The following ATG7 variants were observed in gnomAD, a reference collection of about 807,000 sequenced individuals.
ATG7 encodes the protein ubiquitin-like modifier-activating enzyme ATG7.
ATG7 carries 70 observed loss-of-function variants against 82.4 expected under a neutral mutation model. That is an observed-to-expected ratio of 0.85 (90% confidence interval 0.70 to 1.04). The LOEUF is 1.04. Among genes scored for constraint, ATG7 ranks in the 50% least tolerant of loss-of-function variants. The probability of loss-of-function intolerance (pLI) is 0.00; values close to 1 mark genes in which losing one functional copy is unlikely to be tolerated. For missense variants in ATG7, 792 were observed against 864.3 expected, an observed-to-expected ratio of 0.92 and a Z score of 1.05; for synonymous variants, 287 against 313.0, an observed-to-expected ratio of 0.92 and a Z score of 0.88.
chr3:11,374,676 C>CGG (rs2077261545), intron 18 of ATG7, among the ~76,000 whole-genome samples: 1 of 152,048 alleles, frequency 6.6e-6, no homozygotes, highest in African/African-American at 2.4e-5. Context: ...GAGTCCGAGG[C>CGG]GGGCAGATCG....
chr3:11,539,180 T>C (rs1274106811), intron 20 of ATG7, among the ~76,000 whole-genome samples: 1 of 152,120 alleles, frequency 6.6e-6, no homozygotes, highest in Non-Finnish European at 1.5e-5. Flanking sequence ...CTGCATCAGG[T>C]GCAGTTCTGA....
chr3:11,328,553 C>T (rs1559403894), intron 9 of ATG7, among the ~76,000 whole-genome samples: 2 of 151,910 alleles, frequency 1.3e-5, no homozygotes, highest in South Asian at 2.1e-4. Context: ...TTTTATATAA[C>T]GGAAAAGGTA....
intron 3 of ATG7, among the ~76,000 whole-genome samples, chr3:11,283,918 C>T (rs1476121636): frequency 6.6e-6 from 1 of 152,076 alleles, no homozygotes; most frequent in African/African-American, 2.4e-5. Context: ...GACGACAGAA[C>T]GAGACTCTGT....
At chr3:11,533,765 C>T (rs1433315237) in intron 20 of ATG7, among the ~76,000 whole-genome samples, 1 of 151,954 alleles carries the variant, frequency 6.6e-6, no homozygotes, top group Admixed American at 6.6e-5. Context: ...GAACTTAGCA[C>T]CTCATATTTA....
intron 20 of ATG7, among the ~76,000 whole-genome samples, chr3:11,458,748 C>G (rs1003180330): frequency 6.6e-6 from 1 of 152,158 alleles, no homozygotes; most frequent in Non-Finnish European, 1.5e-5. Flanking sequence ...CAAGATAATT[C>G]TCTGTCTTTG....
intron 20 of ATG7, among the ~76,000 whole-genome samples, chr3:11,471,365 A>C (rs943173102): frequency 6.6e-6 from 1 of 152,090 alleles, no homozygotes; most frequent in African/African-American, 2.4e-5. Context: ...TCTGCCCCAC[A>C]CCTGTCACCT....
chr3:11,376,518 G>A (rs2077426814), intron 18 of ATG7, among the ~76,000 whole-genome samples: 1 of 152,134 alleles, frequency 6.6e-6, no homozygotes, highest in Admixed American at 6.5e-5. Context: ...ACTTAGATAT[G>A]TAGCTGTCAC....
At chr3:11,300,249 C>T (rs1346906739) in intron 5 of ATG7, among the ~76,000 whole-genome samples, 1 of 152,058 alleles carries the variant, frequency 6.6e-6, no homozygotes, top group Non-Finnish European at 1.5e-5. Flanking sequence ...ATTTATTGAG[C>T]ACTTAATTAG....
chr3:11,495,880 A>G (rs2090788876), intron 20 of ATG7, among the ~76,000 whole-genome samples: 1 of 152,244 alleles, frequency 6.6e-6, no homozygotes, highest in Non-Finnish European at 1.5e-5. Context: ...CAACAGCAAG[A>G]TGCAAAATAT....
At chr3:11,388,497 C>G (rs1315130628) in intron 19 of ATG7, among the ~76,000 whole-genome samples, 1 of 151,044 alleles carries the variant, frequency 6.6e-6, no homozygotes, top group South Asian at 2.1e-4. Context: ...GGCGCTATCT[C>G]AGCTCACTGC....
Position 11,340,711 on chromosome 3 carries a change from T to C in ATG7, c.956T>C (p.Leu319Pro), listed in dbSNP as rs778582041. The change falls in exon 12 of 21, where the codon CTC becomes CCC. Residue 319 changes from leucine to proline, a missense_variant. By Grantham distance (98) the Leu-to-Pro change is moderately conservative. Transcript: ENST00000693202. ...KGGMGPRMVN[L>P]SECMDPKRLA... ...GGCATGGGACCAAGGATGGTGAACC[T>C]CAGTGAATGTATGGACCCTAAAAGG... 6.2e-7 allele frequency: 1 copy of C among 1,613,756 alleles called. No homozygotes were observed. Among genetic ancestry groups the C allele is most frequent in the Non-Finnish European group, 8.5e-7 (1 of 1,179,814 alleles).
intron 3 of ATG7, among the ~76,000 whole-genome samples, chr3:11,285,159 T>C (rs1490910189): frequency 8.4e-6 from 1 of 118,812 alleles, no homozygotes. Flanking sequence ...TTTTTTTTTT[T>C]AAAAGCCCGG....
intron 11 of ATG7, among the ~76,000 whole-genome samples, chr3:11,334,842 C>T (rs879590187): frequency 6.6e-6 from 1 of 151,296 alleles, no homozygotes; most frequent in Non-Finnish European, 1.5e-5. Context: ...TCTGTAATCC[C>T]AGCTCTCAGG....
intron 6 of ATG7, 39 bp downstream of exon 6, chr3:11,307,099 G>A (rs899794489): frequency 1.3e-6 from 2 of 1,572,520 alleles, no homozygotes; most frequent in African/African-American, 1.4e-5. Flanking sequence ...CATATTTCCT[G>A]TGGTCCTGGC....
chr3:11,492,885 G>A (rs986803416), intron 20 of ATG7, among the ~76,000 whole-genome samples: 19 of 152,350 alleles, frequency 1.2e-4, no homozygotes, highest in African/African-American at 4.3e-4. Context: ...AGGTGGGGGT[G>A]CCTGAAACTC....
intron 14 of ATG7, among the ~76,000 whole-genome samples, chr3:11,351,341 G>A (rs1327913376): frequency 6.6e-6 from 1 of 152,186 alleles, no homozygotes; most frequent in East Asian, 1.9e-4. Flanking sequence ...GATGAGGGGT[G>A]GACTGGGAAG....
At chr3:11,382,738 T>G (rs1240423400) in intron 19 of ATG7, among the ~76,000 whole-genome samples, 2 of 152,246 alleles carry the variant, frequency 1.3e-5, no homozygotes, top group Non-Finnish European at 2.9e-5. Flanking sequence ...TAAATTACTT[T>G]GTTATTGTTA....
In ATG7 at chr3:11,537,904, G is replaced by A. The variant is rs112386078; in HGVS notation, c.2080-16907G>A. 1.6e-3 allele frequency among the ~76,000 whole-genome samples: 248 copies of A among 152,282 alleles called. 2 individuals are homozygous for A. The highest frequency in any genetic ancestry group is 5.4e-3 in the African/African-American group (224 of 41,564). ...AGAGCCCGGATCCAAAATTGGGAGC[G>A]TCTTGCCCCAAGTCCAGTGCTGTTT... On this transcript the variant is annotated intron_variant, in intron 20 of 20. Coordinates refer to ENST00000693202, the MANE Select transcript of ATG7 (RefSeq NM_001349232.2).
At chr3:11,463,965 G>T (rs1369250256) in intron 20 of ATG7, among the ~76,000 whole-genome samples, 1 of 152,196 alleles carries the variant, frequency 6.6e-6, no homozygotes, top group Non-Finnish European at 1.5e-5. Flanking sequence ...AAGACAGGAT[G>T]GTGGCAAAAC....
Sources: gnomAD v4.1 joint callset for allele counts (sites outside exome capture counted in the v4.1 genomes callset) on GRCh38, gnomAD v4.1.1 for gene constraint, MANE v1.5 for transcripts, NCBI Gene and HGNC (gene_info 2026-07-23, HGNC 2026-07-21) for gene names.